Variants in NLGN1 observed in about 807,000 individuals in gnomAD.
NLGN1 encodes the protein neuroligin-1.
NLGN1 carries 12 observed loss-of-function variants against 65.5 expected under a neutral mutation model. The observed-to-expected ratio is 0.18, with a 90% CI of 0.12 to 0.30. The LOEUF (loss-of-function observed/expected upper bound fraction) is 0.30. Ranked by LOEUF, NLGN1 falls within the 10% of genes least tolerant of loss-of-function variation. The pLI is 1.00. For missense variants in NLGN1, 750 were observed against 1,007.1 expected, an observed-to-expected ratio of 0.74 and a Z score of 3.46; for synonymous variants, 350 against 359.5, an observed-to-expected ratio of 0.97 and a Z score of 0.30.
intron 4 of NLGN1, among the ~76,000 whole-genome samples, chr3:173,859,748 T>G (rs1728698791): frequency 6.6e-6 from 1 of 152,062 alleles, no homozygotes; most frequent in South Asian, 2.1e-4. Context: ...TCTAAACAAT[T>G]TGTTTTATAA....
At chr3:173,545,040 G>T (rs57574137) in intron 2 of NLGN1, among the ~76,000 whole-genome samples, 9,421 of 150,488 alleles carry the variant, frequency 0.063, 926 homozygotes, top group African/African-American at 0.22. Context: ...GCAAAGTTTT[G>T]TGTGTGTGTG....
chr3:173,910,468 C>G (rs1315158876), intron 4 of NLGN1: 1 of 152,078 alleles, frequency 6.6e-6, no homozygotes, highest in Non-Finnish European at 1.5e-5. Context: ...GTTTTGCTAC[C>G]ATTTTATTTT....
intron 2 of NLGN1, among the ~76,000 whole-genome samples, chr3:173,543,593 C>G (rs1274754675): frequency 2.0e-5 from 3 of 152,054 alleles, no homozygotes; most frequent in Admixed American, 1.3e-4. Flanking sequence ...TGAAACACGA[C>G]TAAAAGAGCT....
At chr3:173,414,955 T>C (rs113144876) in intron 1 of NLGN1, among the ~76,000 whole-genome samples, 8,869 of 152,206 alleles carry the variant, frequency 0.058, 311 homozygotes, top group Middle Eastern at 0.1. Context: ...CTGAAATCCC[T>C]AAACAAATAA....
At chr3:173,621,773 T>G (rs781424705) in intron 3 of NLGN1, among the ~76,000 whole-genome samples, 1 of 152,048 alleles carries the variant, frequency 6.6e-6, no homozygotes, top group Non-Finnish European at 1.5e-5. Flanking sequence ...TGACAACAGA[T>G]TGGAAATGAA....
In NLGN1 at chr3:173,973,139, A is replaced by G. The variant is rs142544248; in HGVS notation, c.646+165307A>G. Among the ~76,000 whole-genome samples the G allele has an allele frequency of 2.2e-3, 339 of 152,272 alleles. 1 individual carries two copies. Among genetic ancestry groups the G allele is most frequent in the African/African-American group, 7.7e-3 (318 of 41,562 alleles). ...ATTCTTGTAAAGTCTATATGACCCA[A>G]TGCACTGGAAGTCTTTAGAACAATC... On this transcript the variant is annotated intron_variant, in intron 4 of 6. Coordinates refer to ENST00000457714, the Ensembl canonical transcript of NLGN1.
At chr3:174,157,774 G>GT in intron 4 of NLGN1, among the ~76,000 whole-genome samples, 1 of 151,762 alleles carries the variant, frequency 6.6e-6, no homozygotes, top group East Asian at 1.9e-4. Context: ...CAAGGAAAGA[G>GT]TTCTGCAAGG....
At chr3:174,143,977 T>C (rs1722747269) in intron 4 of NLGN1, among the ~76,000 whole-genome samples, 1 of 152,152 alleles carries the variant, frequency 6.6e-6, no homozygotes, top group South Asian at 2.1e-4. Flanking sequence ...GCAGGTTTGT[T>C]ACATAGGTAT....
At chr3:173,485,813 C>T (rs1264433229) in intron 2 of NLGN1, among the ~76,000 whole-genome samples, 1 of 152,236 alleles carries the variant, frequency 6.6e-6, no homozygotes, top group East Asian at 1.9e-4. Flanking sequence ...CATAGGTAAT[C>T]AAATAATCTG....
In NLGN1 at chr3:174,264,161, C is replaced by G. The variant is rs1264851; in HGVS notation, c.647-11154C>G. On this transcript the variant is annotated intron_variant, in intron 4 of 6. Transcript: ENST00000457714. ...TTTGGTGAATCTGACAATTATGTGT[C>G]TTGGAGTTGCTCTTCTCGAGGAGTA... Among the ~76,000 whole-genome samples the G allele has an allele frequency of 3.4e-5, 5 of 145,214 alleles. No homozygotes were observed. In the East Asian group the frequency reaches 1.0e-3, roughly 30 times the overall value.
At chr3:174,248,412 T>C (rs1242964257) in intron 4 of NLGN1, among the ~76,000 whole-genome samples, 1 of 152,196 alleles carries the variant, frequency 6.6e-6, no homozygotes, top group Non-Finnish European at 1.5e-5. Flanking sequence ...ATTGAGCACA[T>C]AATATGTGTA....
intron 4 of NLGN1, among the ~76,000 whole-genome samples, chr3:174,156,264 T>C (rs1725411115): frequency 6.6e-6 from 1 of 151,920 alleles, no homozygotes; most frequent in South Asian, 2.1e-4. Context: ...ATAGTAAATG[T>C]TTTTAACTAA....
chr3:173,808,329 C>G (rs1024717028), intron 4 of NLGN1, among the ~76,000 whole-genome samples: 1 of 151,860 alleles, frequency 6.6e-6, no homozygotes, highest in African/African-American at 2.4e-5. Context: ...TGAATGTATT[C>G]TGATTGAATT....
At chr3:173,550,917 A>G (rs1343617567) in intron 2 of NLGN1, among the ~76,000 whole-genome samples, 1 of 152,002 alleles carries the variant, frequency 6.6e-6, no homozygotes. Flanking sequence ...TATTCTTCCG[A>G]TTTTTCTCCC....
intron 4 of NLGN1, among the ~76,000 whole-genome samples, chr3:173,947,322 C>T (rs138598969): frequency 2.0e-5 from 3 of 152,090 alleles, no homozygotes; most frequent in East Asian, 3.9e-4. Flanking sequence ...ACGACTGGCT[C>T]AGTTGTTAGG....
intron 4 of NLGN1, among the ~76,000 whole-genome samples, chr3:174,264,771 G>A (rs1413183031): frequency 1.3e-5 from 2 of 151,964 alleles, no homozygotes; most frequent in Admixed American, 6.6e-5. Flanking sequence ...GATTTTTAGA[G>A]TTTCCAGTTT....
chr3:173,586,883 A>T (rs543228602), intron 2 of NLGN1, among the ~76,000 whole-genome samples: 1 of 152,358 alleles, frequency 6.6e-6, no homozygotes, highest in Admixed American at 6.5e-5. Flanking sequence ...GATCCTAGCC[A>T]CACTGTCTAA....
chr3:173,652,605 T>C (rs1759380458), intron 3 of NLGN1, among the ~76,000 whole-genome samples: 1 of 152,230 alleles, frequency 6.6e-6, no homozygotes, highest in Admixed American at 6.5e-5. Context: ...TTGATCTATT[T>C]GTCTGTTTGT....
At chr3:174,056,471 C>T (rs1485852845) in intron 4 of NLGN1, among the ~76,000 whole-genome samples, 2 of 151,662 alleles carry the variant, frequency 1.3e-5, no homozygotes, top group Admixed American at 1.3e-4. Context: ...CTATTTGTTA[C>T]TTTTTTCGCC....
Sources: gnomAD v4.1 joint callset for allele counts (sites outside exome capture counted in the v4.1 genomes callset) on GRCh38, gnomAD v4.1.1 for gene constraint, MANE v1.5 for transcripts, NCBI Gene and HGNC (gene_info 2026-07-23, HGNC 2026-07-21) for gene names.